POLDIP3: variants seen among roughly 807,000 people sequenced by gnomAD.
POLDIP3 encodes DNA polymerase delta interacting protein 3, also known as polymerase delta-interacting protein 3.
A neutral mutation model predicts 45.1 loss-of-function variants in POLDIP3; 14 were observed. The observed-to-expected ratio is 0.31, with a 90% CI of 0.20 to 0.49. The LOEUF (loss-of-function observed/expected upper bound fraction) is 0.49, where lower values mean the gene tolerates loss of function less well. POLDIP3 is among the 20% of genes least tolerant of loss of function. The pLI is 0.99. For missense variants in POLDIP3, 511 were observed against 538.8 expected (o/e 0.95, Z 0.51); for synonymous variants, 223 against 205.2 (o/e 1.09, Z -0.74).
At chr22:42,612,505 T>A (rs1927188320) in intron 1 of POLDIP3, among the ~76,000 whole-genome samples, 1 of 152,182 alleles carries the variant, frequency 6.6e-6, no homozygotes, top group South Asian at 2.1e-4. Context: ...CAGCCTTTGC[T>A]GAACACTTGC....
chr22:42,600,580 C>G (rs956831473), intron 3 of POLDIP3, among the ~76,000 whole-genome samples: 1 of 150,554 alleles, frequency 6.6e-6, no homozygotes, highest in Non-Finnish European at 1.5e-5. Context: ...GAGCCGAGAT[C>G]GTGCCACTGC....
chr22:42,594,482 G>A (rs1335925554), intron 6 of POLDIP3, among the ~76,000 whole-genome samples: 1 of 152,194 alleles, frequency 6.6e-6, no homozygotes, highest in African/African-American at 2.4e-5. Context: ...TTACACTCTA[G>A]CTTGGGTGAC....
In POLDIP3 at chr22:42,614,865, C is replaced by T; in HGVS notation, c.-8G>A. 1.2e-6 allele frequency: 2 copies of T among 1,613,730 alleles called. No homozygotes were observed. The highest frequency in any genetic ancestry group is 1.7e-6 in the Non-Finnish European group (2 of 1,179,912). On this transcript the variant is annotated 5_prime_UTR_variant, in exon 1 of 9. Transcript: ENST00000252115. ...CAGGGAGATGTCCGCCATCTTGCTC[C>T]GCCGAGCAAGCCGAAAGCAGTCGAG...
intron 7 of POLDIP3, among the ~76,000 whole-genome samples, chr22:42,588,705 G>A (rs1393418757): frequency 6.0e-5 from 9 of 149,846 alleles, no homozygotes; most frequent in African/African-American, 2.2e-4. Context: ...CTCGGCTCAC[G>A]GCAACCTCCG....
chr22:42,585,912 T>C lies in POLDIP3; in HGVS notation c.1145A>G (p.Asn382Ser). ...KKESELPRRV[N>S]SASSSNPPAE... ...AGGGGGGTTGGAGGAGGAGGCAGAG[T>C]TCACCCTGCGAGGCAGCTCGCTCTC... is the stretch of plus-strand genomic sequence containing the variant. Residue 382 changes from asparagine (N) to serine (S), a missense_variant, in exon 9 of 9, where the codon AAC (asparagine) becomes AGC (serine). By Grantham distance (46) the Asn-to-Ser change is conservative. This residue lies in a region of POLDIP3 where 45 missense variants were observed against 34.3 expected (regional missense o/e 1.31). Transcript: ENST00000252115. 2 of 1,613,368 alleles carry C rather than the reference T, an allele frequency of 1.2e-6. No individual in the cohort carries two copies. The highest frequency in any genetic ancestry group is 1.7e-6 in the Non-Finnish European group (2 of 1,179,910).
intron 3 of POLDIP3, among the ~76,000 whole-genome samples, chr22:42,600,574 C>G (rs927643610): frequency 6.6e-6 from 1 of 150,688 alleles, no homozygotes; most frequent in Non-Finnish European, 1.5e-5. Context: ...TGCAGTGAGC[C>G]GAGATCGTGC....
At position 42,614,877 on chromosome 22, in the gene POLDIP3, C is replaced by G. The variant is rs770726857; in HGVS notation, c.-20G>C. On this transcript the variant is annotated 5_prime_UTR_variant, in exon 1 of 9. Coordinates refer to ENST00000252115, the MANE Select transcript of POLDIP3 (RefSeq NM_032311.5). ...CGCCATCTTGCTCCGCCGAGCAAGC[C>G]GAAAGCAGTCGAGACCCCGCGAGCC... 2 of 1,613,652 alleles carry G rather than the reference C, an allele frequency of 1.2e-6. No homozygotes were observed. Among genetic ancestry groups the G allele is most frequent in the South Asian group, 1.1e-5 (1 of 91,082 alleles).
intron 8 of POLDIP3, among the ~76,000 whole-genome samples, chr22:42,586,441 C>T (rs1015715560): frequency 2.6e-5 from 4 of 152,104 alleles, no homozygotes; most frequent in Non-Finnish European, 5.9e-5. Flanking sequence ...GATCCTCCCA[C>T]CTCGGCCCCC....
At chr22:42,600,392 C>T (rs544765742) in intron 3 of POLDIP3, among the ~76,000 whole-genome samples, 3 of 152,026 alleles carry the variant, frequency 2.0e-5, no homozygotes, top group Admixed American at 6.5e-5. Context: ...TTTGGGAGGC[C>T]GAGGAGGGCG....
chr22:42,598,119 G>C (rs147930784), intron 4 of POLDIP3, among the ~76,000 whole-genome samples: 2 of 149,948 alleles, frequency 1.3e-5, no homozygotes, highest in Non-Finnish European at 3.0e-5. Flanking sequence ...GTCTCACTCT[G>C]TCGCCCAGGC....
At chr22:42,600,979 C>A (rs1926328963) in intron 3 of POLDIP3, among the ~76,000 whole-genome samples, 1 of 151,852 alleles carries the variant, frequency 6.6e-6, no homozygotes, top group South Asian at 2.1e-4. Flanking sequence ...CCTGTGATCC[C>A]AGCTACTCAG....
intron 1 of POLDIP3, among the ~76,000 whole-genome samples, chr22:42,606,695 G>C (rs1016309665): frequency 6.6e-6 from 1 of 152,196 alleles, no homozygotes; most frequent in Non-Finnish European, 1.5e-5. Context: ...AGTGATCATA[G>C]CTCACTACAG....
chr22:42,586,257 A>C (rs944158545), intron 8 of POLDIP3, among the ~76,000 whole-genome samples: 1 of 151,510 alleles, frequency 6.6e-6, no homozygotes, highest in Non-Finnish European at 1.5e-5. Flanking sequence ...AGGTCTTGCT[A>C]TGTGGCCCAG....
rs753368286 is a variant in POLDIP3 at position 42,603,062 on chromosome 22, C to T, written c.158G>A (p.Arg53Lys). Residue 53 changes from arginine to lysine, a missense_variant, in exon 2 of 9, where the codon AGA becomes AAA. Around this residue, in one of 4 missense-constraint regions of POLDIP3, gnomAD observed 378 missense variants for 352.3 expected, o/e 1.07. Coordinates refer to ENST00000252115, the MANE Select transcript of POLDIP3 (RefSeq NM_032311.5). ...GCCAATCTTCTGCCGGGCATCAAAT[C>T]TCTGCTGGAAGGTGGCTGTGCGTGT... ...QSTRTATFQQ[R>K]FDARQKIGLS... is the part of the protein sequence containing the mutation. The T allele has an allele frequency of 6.2e-7, 1 of 1,614,212 alleles. No individual in the cohort carries two copies. The highest frequency in any genetic ancestry group is 8.5e-7 in the Non-Finnish European group (1 of 1,180,048).
At chr22:42,602,135 T>A (rs956184488) in intron 2 of POLDIP3, 79 bp from the exon 3 acceptor site, 2 of 1,603,374 alleles carry the variant, frequency 1.2e-6, no homozygotes, top group Non-Finnish European at 1.7e-6. Flanking sequence ...CTGAACTTGA[T>A]ACATGGTGGG....
intron 1 of POLDIP3, among the ~76,000 whole-genome samples, chr22:42,611,431 T>G (rs1927110128): frequency 6.6e-6 from 1 of 152,208 alleles, no homozygotes; most frequent in Admixed American, 6.5e-5. Flanking sequence ...GGAAACAAAG[T>G]GAGCAGAGTG....
In POLDIP3 at chr22:42,597,620, G is replaced by A. The variant is rs754235305; in HGVS notation, c.634-1255C>T. ...ATCTCACAGGGTACAAGACGCATGAGTATAAATATGGCATTTATTCAATTA... is the reference window on the plus strand; with the variant it reads ...ATCTCACAGGGTACAAGACGCATGAATATAAATATGGCATTTATTCAATTA... On this transcript the variant is annotated intron_variant, in intron 4 of 8. Transcript: ENST00000252115. 4.9e-5 allele frequency: 22 copies of A among 450,268 alleles called. No individual in the cohort carries two copies. In the East Asian group the frequency reaches 1.4e-3, roughly 29 times the overall value. 27.9% of individuals were successfully genotyped at this position (450,268 alleles called of 1,614,324 possible).
chr22:42,591,598 A>C (rs997022700), intron 7 of POLDIP3, among the ~76,000 whole-genome samples: 1 of 152,244 alleles, frequency 6.6e-6, no homozygotes, highest in Non-Finnish European at 1.5e-5. Context: ...GTCAACATTC[A>C]GACAAAACTC....
intron 4 of POLDIP3, among the ~76,000 whole-genome samples, chr22:42,598,244 C>T (rs1433822074): frequency 6.9e-6 from 1 of 144,682 alleles, no homozygotes; most frequent in African/African-American, 2.6e-5. Flanking sequence ...CACCACACCC[C>T]GGATATTTTT....
Sources: gnomAD v4.1 joint callset for allele counts (sites outside exome capture counted in the v4.1 genomes callset) on GRCh38, gnomAD v4.1.1 for gene constraint, gnomAD v4.1.1 regional missense constraint, MANE v1.5 for transcripts, NCBI Gene and HGNC (gene_info 2026-07-23, HGNC 2026-07-21) for gene names.